Variants in CSMD3 observed in about 807,000 individuals in gnomAD.
CSMD3 encodes the protein CUB and sushi domain-containing protein 3.
A neutral mutation model predicts 435.2 loss-of-function variants in CSMD3; 177 were observed. That is an observed-to-expected ratio of 0.41 (90% confidence interval 0.36 to 0.46). CSMD3 has a LOEUF of 0.46. Among genes scored for constraint, CSMD3 ranks in the 20% least tolerant of loss-of-function variants. CSMD3 has a pLI of 0.34. For missense variants in CSMD3, 4,265 were observed against 4,504.6 expected (o/e 0.95, Z 1.52); for synonymous variants, 1,656 against 1,520.5 (o/e 1.09, Z -2.07).
intron 45 of CSMD3, among the ~76,000 whole-genome samples, chr8:112,320,748 TAA>T (rs1563786232): frequency 6.6e-6 from 1 of 151,646 alleles, no homozygotes; most frequent in African/African-American, 2.4e-5. Context: ...CCCCATTCTT[TAA>T]AAAAGAAAAC....
At chr8:112,505,951 T>A (rs1822457167) in intron 29 of CSMD3, among the ~76,000 whole-genome samples, 1 of 152,050 alleles carries the variant, frequency 6.6e-6, no homozygotes, top group Non-Finnish European at 1.5e-5. Context: ...CTAGAATAAT[T>A]TTATATGTAA....
At chr8:112,837,671 T>C (rs1033439892) in intron 11 of CSMD3, among the ~76,000 whole-genome samples, 4 of 151,844 alleles carry the variant, frequency 2.6e-5, no homozygotes, top group Middle Eastern at 3.4e-3. Flanking sequence ...ACAATGGATC[T>C]TGAGGATGAA....
chr8:112,920,684 T>C (rs2082707061), intron 10 of CSMD3, among the ~76,000 whole-genome samples: 1 of 151,814 alleles, frequency 6.6e-6, no homozygotes, highest in South Asian at 2.1e-4. Context: ...TAATCAGGTG[T>C]TTTGCACTGT....
intron 1 of CSMD3, among the ~76,000 whole-genome samples, chr8:113,360,869 G>A (rs1028090376): frequency 2.6e-5 from 4 of 152,074 alleles, no homozygotes; most frequent in African/African-American, 9.7e-5. Flanking sequence ...CACCGCGCCC[G>A]GCCGTGACTT....
chr8:112,949,358 TTA>T (rs1461524353), intron 8 of CSMD3, among the ~76,000 whole-genome samples: 7 of 152,014 alleles, frequency 4.6e-5, no homozygotes, highest in Non-Finnish European at 7.4e-5. Flanking sequence ...CATAGGATAT[TTA>T]TGTTTTTCTT....
intron 2 of CSMD3, chr8:113,312,467 A>G (rs2093876984): frequency 6.6e-6 from 1 of 152,200 alleles, no homozygotes; most frequent in African/African-American, 2.4e-5. Flanking sequence ...TAGGAAAGAA[A>G]GAATGAGAAC....
chr8:112,224,753 A>C lies in CSMD3; in HGVS notation c.*18T>G, dbSNP rs1378053022. 6.2e-7 allele frequency: 1 copy of C among 1,613,492 alleles called. No individual in the cohort carries two copies. Among genetic ancestry groups the C allele is most frequent in the East Asian group, 2.2e-5 (1 of 44,866 alleles). On this transcript the variant is annotated 3_prime_UTR_variant, in exon 71 of 71. Transcript: ENST00000297405. ...TGTGTCGATTTCCAAGCTTCTGAAGAAGGCAAAGGTTGCCTCGTTATACCA... is the reference window on the plus strand; with the variant it reads ...TGTGTCGATTTCCAAGCTTCTGAAGCAGGCAAAGGTTGCCTCGTTATACCA...
At chr8:112,397,375 G>A (rs903997104) in intron 35 of CSMD3, among the ~76,000 whole-genome samples, 7 of 152,140 alleles carry the variant, frequency 4.6e-5, no homozygotes, top group East Asian at 1.9e-4. Flanking sequence ...TTTTTAAAAC[G>A]GTATAAGGTA....
chr8:112,839,345 A>G (rs1258244332), intron 11 of CSMD3, among the ~76,000 whole-genome samples: 1 of 151,784 alleles, frequency 6.6e-6, no homozygotes, highest in Non-Finnish European at 1.5e-5. Flanking sequence ...AAGCACTACA[A>G]ATGTTTCACT....
chr8:112,900,589 C>T (rs915998940), intron 10 of CSMD3, among the ~76,000 whole-genome samples: 3 of 151,170 alleles, frequency 2.0e-5, no homozygotes, highest in African/African-American at 7.3e-5. Flanking sequence ...GACCCAGGCA[C>T]CTTTTGACTA....
At chr8:113,208,151 A>G (rs551184989) in intron 3 of CSMD3, among the ~76,000 whole-genome samples, 142 of 152,226 alleles carry the variant, frequency 9.3e-4, no homozygotes, top group African/African-American at 3.2e-3. Context: ...AATGAATGAA[A>G]CCTTACAGGA....
chr8:113,043,449 C>T (rs2087706947), intron 5 of CSMD3, among the ~76,000 whole-genome samples: 1 of 152,144 alleles, frequency 6.6e-6, no homozygotes, highest in South Asian at 2.1e-4. Flanking sequence ...GTTGTCCAAG[C>T]TGTGTTAACC....
chr8:112,595,014 A>C (rs936634268), intron 22 of CSMD3, among the ~76,000 whole-genome samples: 2 of 152,194 alleles, frequency 1.3e-5, no homozygotes, highest in Non-Finnish European at 2.9e-5. Context: ...AGCTGAATGG[A>C]GAATGACTTT....
chr8:113,160,953 C>T (rs1232458096), intron 4 of CSMD3, among the ~76,000 whole-genome samples: 1 of 151,966 alleles, frequency 6.6e-6, no homozygotes, highest in Non-Finnish European at 1.5e-5. Flanking sequence ...CCTGAAGGTG[C>T]TAAAATTTAT....
chr8:113,039,830 T>C (rs139298435), intron 5 of CSMD3, among the ~76,000 whole-genome samples: 1,566 of 152,222 alleles, frequency 0.01, 21 homozygotes, highest in African/African-American at 0.036. Flanking sequence ...TCAAATACAA[T>C]ATTATAGTAC....
intron 1 of CSMD3, among the ~76,000 whole-genome samples, chr8:113,399,106 T>TATACAC (rs773585004): frequency 0.022 from 2,044 of 95,002 alleles, 47 homozygotes; most frequent in African/African-American, 0.049. Flanking sequence ...TATATATATA[T>TATACAC]ACACACACAC....
At chr8:112,581,912 G>C (rs1295707482) in intron 23 of CSMD3, among the ~76,000 whole-genome samples, 2 of 152,008 alleles carry the variant, frequency 1.3e-5, no homozygotes, top group East Asian at 3.9e-4. Flanking sequence ...GAGACCTGAA[G>C]GAAATGAGGG....
At chr8:112,696,706 A>G (rs2076264279) in intron 13 of CSMD3, among the ~76,000 whole-genome samples, 1 of 152,168 alleles carries the variant, frequency 6.6e-6, no homozygotes, top group Non-Finnish European at 1.5e-5. Context: ...AATGGCAACA[A>G]AAGCCAAAAT....
At chr8:112,913,461 C>T (rs2082484799) in intron 10 of CSMD3, among the ~76,000 whole-genome samples, 1 of 151,914 alleles carries the variant, frequency 6.6e-6, no homozygotes, top group Non-Finnish European at 1.5e-5. Context: ...CAGACCACAA[C>T]AGGTCTGTGC....
Sources: allele counts gnomAD v4.1 joint callset (sites outside exome capture counted in the v4.1 genomes callset), GRCh38; gene constraint gnomAD v4.1.1; transcripts MANE v1.5; gene names NCBI Gene and HGNC (gene_info 2026-07-23, HGNC 2026-07-21).